The following EPHB1 variants were observed in gnomAD, a reference collection of about 807,000 sequenced individuals.
EPHB1 encodes the protein EPH receptor B1.
In EPHB1, 30 loss-of-function variants were observed where a neutral mutation model predicts 94.4. That is an observed-to-expected ratio of 0.32 (90% confidence interval 0.24 to 0.43). The LOEUF (loss-of-function observed/expected upper bound fraction) is 0.43, where lower values mean the gene tolerates loss of function less well. Among genes scored for constraint, EPHB1 ranks in the 20% least tolerant of loss-of-function variants. EPHB1 has a pLI of 1.00. For synonymous variants in EPHB1, 522 were observed against 489.1 expected, an observed-to-expected ratio of 1.07 and a Z score of -0.89; for missense variants, 1,055 against 1,308.3, an observed-to-expected ratio of 0.81 and a Z score of 2.99.
intron 4 of EPHB1, among the ~76,000 whole-genome samples, chr3:135,115,418 C>T (rs975296321): frequency 3.3e-5 from 5 of 152,180 alleles, no homozygotes; most frequent in African/African-American, 1.2e-4. Context: ...AGTGGCTGTG[C>T]GTCCTCTGTC....
chr3:135,221,233 G>A (rs1256117857), intron 12 of EPHB1, among the ~76,000 whole-genome samples: 1 of 152,136 alleles, frequency 6.6e-6, no homozygotes, highest in Non-Finnish European at 1.5e-5. Flanking sequence ...GATAGCATGT[G>A]TTCTTCCCAA....
chr3:134,908,972 C>T (rs2038396025), intron 1 of EPHB1, among the ~76,000 whole-genome samples: 1 of 151,840 alleles, frequency 6.6e-6, no homozygotes, highest in Admixed American at 6.6e-5. Context: ...TGTTGTGGTC[C>T]TGGAATCCAT....
At chr3:135,211,711 A>G (rs780306799) in intron 12 of EPHB1, among the ~76,000 whole-genome samples, 5 of 152,160 alleles carry the variant, frequency 3.3e-5, no homozygotes, top group Non-Finnish European at 7.3e-5. Flanking sequence ...ACACACATAT[A>G]TATTCATATT....
intron 3 of EPHB1, among the ~76,000 whole-genome samples, chr3:135,074,043 T>C (rs1937820462): frequency 6.6e-6 from 1 of 152,246 alleles, no homozygotes; most frequent in Non-Finnish European, 1.5e-5. Flanking sequence ...TGATTCTCAT[T>C]GTCCAGATCC....
In EPHB1 at chr3:134,818,477, C is replaced by T. The variant is rs529941652; in HGVS notation, c.58+22788C>T. Among the ~76,000 whole-genome samples, 3 of 152,294 alleles carry T rather than the reference C, an allele frequency of 2.0e-5. No individual in the cohort carries two copies. The East Asian group carries it at 5.8e-4, about 29-fold the overall frequency. ...GTGAGATTTTGGTGCACCCATCACC[C>T]AAGCAGTATACACTGCACCATATTT... On this transcript the variant is annotated intron_variant, in intron 1 of 15. Coordinates refer to ENST00000398015, the MANE Select transcript of EPHB1 (RefSeq NM_004441.5).
chr3:134,976,232 C>CGG (rs1934188319), intron 3 of EPHB1, among the ~76,000 whole-genome samples: 1 of 152,204 alleles, frequency 6.6e-6, no homozygotes, highest in Non-Finnish European at 1.5e-5. Context: ...GGAGCAGGCA[C>CGG]AGATGTCATC....
At chr3:135,044,820 C>T (rs776985396) in intron 3 of EPHB1, among the ~76,000 whole-genome samples, 10 of 152,194 alleles carry the variant, frequency 6.6e-5, no homozygotes, top group Non-Finnish European at 1.3e-4. Flanking sequence ...CTACTCATTT[C>T]GAGTACATGT....
At chr3:135,054,040 T>TAC (rs1553727022) in intron 3 of EPHB1, among the ~76,000 whole-genome samples, 3,646 of 139,782 alleles carry the variant, frequency 0.026, 45 homozygotes, top group Non-Finnish European at 0.027. Context: ...TATATATATA[T>TAC]ACACACACAC....
chr3:135,140,175 G>A (rs1940770095), intron 5 of EPHB1, among the ~76,000 whole-genome samples: 1 of 152,136 alleles, frequency 6.6e-6, no homozygotes, highest in Non-Finnish European at 1.5e-5. Flanking sequence ...ATTGGAGAGG[G>A]GACACCAGTT....
chr3:135,170,773 T>C (rs1372013813), intron 9 of EPHB1, among the ~76,000 whole-genome samples: 1 of 152,218 alleles, frequency 6.6e-6, no homozygotes, highest in African/African-American at 2.4e-5. Context: ...CTACCTACTT[T>C]GTAGAGGTTG....
chr3:134,861,327 C>A (rs1167183313), intron 1 of EPHB1, among the ~76,000 whole-genome samples: 4 of 152,104 alleles, frequency 2.6e-5, no homozygotes, highest in Non-Finnish European at 5.9e-5. Flanking sequence ...CCAAGACAAC[C>A]AGGGACAGAG....
At chr3:135,103,253 G>A (rs1303061456) in intron 3 of EPHB1, among the ~76,000 whole-genome samples, 1 of 152,158 alleles carries the variant, frequency 6.6e-6, no homozygotes, top group African/African-American at 2.4e-5. Context: ...TATAAAGTCT[G>A]AGTATTAAGG....
intron 1 of EPHB1, among the ~76,000 whole-genome samples, chr3:134,877,908 A>G (rs1007571458): frequency 1.3e-5 from 2 of 152,128 alleles, no homozygotes; most frequent in African/African-American, 4.8e-5. Context: ...TCTTCCACTG[A>G]GCTCCCAGAG....
chr3:135,121,373 G>C (rs1939955515), intron 4 of EPHB1, among the ~76,000 whole-genome samples: 1 of 152,220 alleles, frequency 6.6e-6, no homozygotes, highest in South Asian at 2.1e-4. Context: ...CAAACGAGTA[G>C]TTTTGGGTGG....
intron 3 of EPHB1, among the ~76,000 whole-genome samples, chr3:134,979,824 G>A (rs920068759): frequency 4.6e-5 from 7 of 151,648 alleles, no homozygotes; most frequent in African/African-American, 1.7e-4. Flanking sequence ...GGAAACAAGA[G>A]TGCTTGAATG....
intron 12 of EPHB1, among the ~76,000 whole-genome samples, chr3:135,214,076 C>T (rs1943087387): frequency 1.3e-5 from 2 of 152,166 alleles, no homozygotes; most frequent in Admixed American, 6.5e-5. Context: ...CTGAGACTCC[C>T]TTTCTTCCAA....
At chr3:135,191,351 CT>C (rs1942451115) in intron 10 of EPHB1, among the ~76,000 whole-genome samples, 2 of 152,142 alleles carry the variant, frequency 1.3e-5, no homozygotes, top group South Asian at 4.1e-4. Context: ...TCCTTCCAAT[CT>C]TTTTTGCAGC....
intron 3 of EPHB1, among the ~76,000 whole-genome samples, chr3:135,015,419 T>C (rs895613457): frequency 6.6e-6 from 1 of 152,170 alleles, no homozygotes; most frequent in South Asian, 2.1e-4. Context: ...TTTTAGCATT[T>C]TTAGTAGAGA....
At chr3:134,971,522 A>G (rs1933968784) in intron 3 of EPHB1, among the ~76,000 whole-genome samples, 1 of 152,206 alleles carries the variant, frequency 6.6e-6, no homozygotes, top group South Asian at 2.1e-4. Context: ...CACTGTTCTT[A>G]ATGTGAATGT....
Sources: allele counts gnomAD v4.1 joint callset (sites outside exome capture counted in the v4.1 genomes callset), GRCh38; gene constraint gnomAD v4.1.1; transcripts MANE v1.5; gene names NCBI Gene and HGNC (gene_info 2026-07-23, HGNC 2026-07-21).